The following LRRTM4 variants were observed in gnomAD, a reference collection of about 807,000 sequenced individuals.
LRRTM4 encodes leucine rich repeat transmembrane neuronal 4, also known as leucine-rich repeat transmembrane neuronal protein 4.
In LRRTM4, 25 loss-of-function variants were observed where a neutral mutation model predicts 47.6. That is an observed-to-expected ratio of 0.53 (90% CI 0.38 to 0.73). LRRTM4 has a LOEUF of 0.73. Ranked by LOEUF, LRRTM4 falls within the 30% of genes least tolerant of loss-of-function variation. The pLI, the probability that LRRTM4 is intolerant of heterozygous loss-of-function variation, is 0.00. For missense variants in LRRTM4, 638 were observed against 713.4 expected (o/e 0.89, Z 1.20); for synonymous variants, 311 against 269.5 (o/e 1.15, Z -1.51).
At chr2:77,056,659 T>C (rs1218773101) in intron 3 of LRRTM4, among the ~76,000 whole-genome samples, 1 of 152,208 alleles carries the variant, frequency 6.6e-6, no homozygotes, top group Admixed American at 6.5e-5. Context: ...ATTGAAGGTT[T>C]CAGATTATTG....
intron 3 of LRRTM4, among the ~76,000 whole-genome samples, chr2:77,126,401 AG>A (rs1267391654): frequency 6.6e-6 from 1 of 152,174 alleles, no homozygotes; most frequent in Non-Finnish European, 1.5e-5. Flanking sequence ...AGTAGAGAAA[AG>A]CTTTGGAAGG....
intron 3 of LRRTM4, among the ~76,000 whole-genome samples, chr2:77,492,897 T>G (rs1269885063): frequency 1.3e-5 from 2 of 152,130 alleles, no homozygotes; most frequent in Non-Finnish European, 1.5e-5. Context: ...TTACTAACAC[T>G]TTATCCACTG....
chr2:76,854,866 C>A (rs963435402), intron 3 of LRRTM4, among the ~76,000 whole-genome samples: 2 of 140,618 alleles, frequency 1.4e-5, no homozygotes, highest in Admixed American at 7.3e-5. Flanking sequence ...AGACCATCAA[C>A]AATCAACATA....
chr2:77,235,391 C>T (rs1224236758), intron 3 of LRRTM4, among the ~76,000 whole-genome samples: 1 of 151,958 alleles, frequency 6.6e-6, no homozygotes, highest in Non-Finnish European at 1.5e-5. Context: ...TTGGTTTTTG[C>T]TTGTTAATTT....
At chr2:76,846,310 C>A (rs1051682955) in intron 3 of LRRTM4, among the ~76,000 whole-genome samples, 1 of 152,120 alleles carries the variant, frequency 6.6e-6, no homozygotes, top group African/African-American at 2.4e-5. Context: ...TTAGAAGGTG[C>A]CCCAGGTGTC....
At position 76,977,285 on chromosome 2, in the gene LRRTM4, T is replaced by C. The variant is rs1446312141; in HGVS notation, c.1552-228369A>G. 2.0e-5 allele frequency among the ~76,000 whole-genome samples: 3 copies of C among 151,736 alleles called. No homozygotes were observed. In the South Asian group the frequency reaches 6.2e-4, roughly 31 times the overall value. On this transcript the variant is annotated intron_variant, in intron 3 of 3. Coordinates refer to ENST00000409884, the MANE Select transcript of LRRTM4 (RefSeq NM_001134745.3). ...TTCCCCCTAATTTTTTTTTTTCATA[T>C]TTGAAATGTTTTGCTAAGGTCTTCT... is the stretch of plus-strand genomic sequence containing the variant.
intron 3 of LRRTM4, among the ~76,000 whole-genome samples, chr2:77,002,831 C>T (rs562730106): frequency 6.6e-6 from 1 of 152,260 alleles, no homozygotes; most frequent in South Asian, 2.1e-4. Context: ...CTACCTCTCC[C>T]ATCAATACTC....
intron 3 of LRRTM4, among the ~76,000 whole-genome samples, chr2:77,317,346 T>C (rs1015679527): frequency 8.5e-5 from 13 of 152,298 alleles, no homozygotes; most frequent in African/African-American, 2.9e-4. Context: ...AGCAAGGTTT[T>C]CTTTTAGGCC....
At chr2:77,211,112 G>A (rs1026534811) in intron 3 of LRRTM4, among the ~76,000 whole-genome samples, 3 of 151,536 alleles carry the variant, frequency 2.0e-5, no homozygotes, top group Admixed American at 2.0e-4. Flanking sequence ...AATAGATAGA[G>A]AAGTGTTGAA....
chr2:76,814,550 G>A (rs1670842990), intron 3 of LRRTM4, among the ~76,000 whole-genome samples: 1 of 151,866 alleles, frequency 6.6e-6, no homozygotes, highest in African/African-American at 2.4e-5. Context: ...AATATCAAGA[G>A]CAAAAGATAC....
At chr2:77,010,371 T>A (rs1677824191) in intron 3 of LRRTM4, among the ~76,000 whole-genome samples, 1 of 152,018 alleles carries the variant, frequency 6.6e-6, no homozygotes, top group Non-Finnish European at 1.5e-5. Context: ...CATATGTAAA[T>A]GAGATTATGC....
chr2:76,960,001 A>C (rs910297167), intron 3 of LRRTM4, among the ~76,000 whole-genome samples: 2 of 144,250 alleles, frequency 1.4e-5, no homozygotes, highest in Non-Finnish European at 1.5e-5. Flanking sequence ...TTGGCCAAAC[A>C]AAAAAAAAAG....
chr2:77,080,541 C>T (rs1680496921), intron 3 of LRRTM4, among the ~76,000 whole-genome samples: 1 of 152,152 alleles, frequency 6.6e-6, no homozygotes, highest in South Asian at 2.1e-4. Flanking sequence ...AACTCTTCAC[C>T]ACAATTCTAC....
intron 3 of LRRTM4, among the ~76,000 whole-genome samples, chr2:76,884,861 T>C (rs1673026391): frequency 6.6e-6 from 1 of 152,088 alleles, no homozygotes; most frequent in Admixed American, 6.6e-5. Context: ...ACAACTTAAA[T>C]GGCCAAGAGG....
At chr2:77,246,349 T>C (rs145140327) in intron 3 of LRRTM4, among the ~76,000 whole-genome samples, 1 of 152,266 alleles carries the variant, frequency 6.6e-6, no homozygotes, top group African/African-American at 2.4e-5. Flanking sequence ...ATGGGTCCAA[T>C]TCTGGTGACA....
At chr2:77,142,007 A>T (rs974246666) in intron 3 of LRRTM4, among the ~76,000 whole-genome samples, 1 of 152,124 alleles carries the variant, frequency 6.6e-6, no homozygotes, top group Non-Finnish European at 1.5e-5. Flanking sequence ...GCAGTGCTAG[A>T]CTCAGTGCTG....
At chr2:77,352,164 C>T (rs993383546) in intron 3 of LRRTM4, among the ~76,000 whole-genome samples, 11 of 152,084 alleles carry the variant, frequency 7.2e-5, no homozygotes, top group South Asian at 2.1e-4. Context: ...AAGCTGTTCT[C>T]GCCTTTTGAT....
At chr2:76,820,254 G>A (rs1366872738) in intron 3 of LRRTM4, among the ~76,000 whole-genome samples, 1 of 151,718 alleles carries the variant, frequency 6.6e-6, no homozygotes, top group Non-Finnish European at 1.5e-5. Context: ...CCATTTCGCT[G>A]CTTTATAGTG....
intron 3 of LRRTM4, among the ~76,000 whole-genome samples, chr2:77,184,671 C>T (rs1318022493): frequency 6.6e-6 from 1 of 152,008 alleles, no homozygotes; most frequent in African/African-American, 2.4e-5. Context: ...GCCTCTGATC[C>T]CTCCCAGCCA....
Sources: gnomAD v4.1 joint callset for allele counts (sites outside exome capture counted in the v4.1 genomes callset) on GRCh38, gnomAD v4.1.1 for gene constraint, MANE v1.5 for transcripts, NCBI Gene and HGNC (gene_info 2026-07-23, HGNC 2026-07-21) for gene names.